The following PHF3 variants were observed in gnomAD, a reference collection of about 807,000 sequenced individuals.
The protein encoded by PHF3 is PHD finger protein 3.
PHF3 carries 41 observed loss-of-function variants against 178.4 expected under a neutral mutation model. The ratio of observed to expected loss-of-function variants is 0.23; its 90% CI spans 0.18 to 0.30. The LOEUF (loss-of-function observed/expected upper bound fraction) is 0.30, where lower values mean the gene tolerates loss of function less well. Ranked by LOEUF, PHF3 falls within the 10% of genes least tolerant of loss-of-function variation. The pLI is 1.00. For synonymous variants in PHF3, 842 were observed against 800.5 expected, an observed-to-expected ratio of 1.05 and a Z score of -0.88; for missense variants, 2,346 against 2,398.1, an observed-to-expected ratio of 0.98 and a Z score of 0.45.
intron 14 of PHF3, among the ~76,000 whole-genome samples, chr6:63,710,819 C>T (rs1767893431): frequency 6.6e-6 from 1 of 152,050 alleles, no homozygotes; most frequent in South Asian, 2.1e-4. Context: ...CATTGGAAAT[C>T]AGGATATAGT....
chr6:63,658,784 T>G (rs1561946126), intron 2 of PHF3, among the ~76,000 whole-genome samples: 1 of 149,966 alleles, frequency 6.7e-6, no homozygotes, highest in Non-Finnish European at 1.5e-5. Context: ...AGGGAGAGAT[T>G]GATTGATTGA....
intron 14 of PHF3, among the ~76,000 whole-genome samples, chr6:63,710,211 A>T (rs1434253622): frequency 6.6e-6 from 1 of 152,242 alleles, no homozygotes; most frequent in African/African-American, 2.4e-5. Context: ...TAAAGCACTA[A>T]TAAAAATGAG....
intron 2 of PHF3, among the ~76,000 whole-genome samples, chr6:63,661,790 A>G (rs1425505694): frequency 1.3e-5 from 2 of 152,292 alleles, no homozygotes; most frequent in Middle Eastern, 3.4e-3. Context: ...TTTGCCCTAT[A>G]CATAAGTTTT....
intron 2 of PHF3, among the ~76,000 whole-genome samples, chr6:63,663,487 C>T (rs1196661135): frequency 2.0e-5 from 3 of 152,168 alleles, no homozygotes; most frequent in Non-Finnish European, 4.4e-5. Context: ...CTTAGCCTCC[C>T]TGGCTGTCCA....
chr6:63,685,057 C>T lies in PHF3; in HGVS notation c.1335C>T (p.Asp445=), dbSNP rs200317912. Residue 445 remains aspartate, a synonymous_variant, in exon 4 of 16, where the codon GAC becomes GAT. Transcript: ENST00000262043. ...ILENAICDVP[D]QNSKQLNAIE... The stretch of plus-strand genomic sequence containing the variant: ...AAAATGCTATTTGTGATGTGCCTGA[C>T]CAAAATTCAAAACAGTTGAATGCTA... The T allele has an allele frequency of 1.2e-4, 195 of 1,613,906 alleles. 1 individual carries two copies. The highest frequency in any genetic ancestry group is 1.5e-4 in the Non-Finnish European group (182 of 1,179,944).
In PHF3 at chr6:63,685,338, A is replaced by G; in HGVS notation, c.1616A>G (p.Gln539Arg). Residue 539 changes from glutamine (Q) to arginine (R), a missense_variant, in exon 4 of 16, where the codon CAA becomes CGA. By Grantham distance (43) the Gln-to-Arg change is conservative. Around this residue, in one of 8 missense-constraint regions of PHF3, gnomAD observed 843 missense variants for 795.2 expected, o/e 1.06. Transcript: ENST00000262043. ...KRNTDVPESQ[Q>R]NFHRPVKVRK... Reference sequence around the variant, plus strand: ...AATACTGATGTACCAGAATCTCAGCAAAATTTTCATAGGCCAGTCAAAGTC... The same window carrying G: ...AATACTGATGTACCAGAATCTCAGCGAAATTTTCATAGGCCAGTCAAAGTC... The G allele has an allele frequency of 6.2e-7, 1 of 1,614,152 alleles. No individual in the cohort carries two copies. The highest frequency in any genetic ancestry group is 1.1e-5 in the South Asian group (1 of 91,078).
intron 2 of PHF3, among the ~76,000 whole-genome samples, chr6:63,674,615 C>T (rs1487981933): frequency 1.3e-5 from 2 of 151,868 alleles, no homozygotes; most frequent in South Asian, 2.1e-4. Flanking sequence ...TGGTGATCTC[C>T]TGCGATGTTA....
At chr6:63,669,469 T>C (rs1406185186) in intron 2 of PHF3, among the ~76,000 whole-genome samples, 2 of 152,232 alleles carry the variant, frequency 1.3e-5, no homozygotes, top group Non-Finnish European at 2.9e-5. Flanking sequence ...TAGGACCTTC[T>C]AGTTTATCTT....
At chr6:63,709,288 A>C in intron 14 of PHF3, 48 bp downstream of exon 14, 1 of 1,226,878 alleles carries the variant, frequency 8.2e-7, no homozygotes, top group Non-Finnish European at 1.2e-6. Flanking sequence ...ATGTTTAGAA[A>C]GTAAACAGTT....
intron 1 of PHF3, among the ~76,000 whole-genome samples, chr6:63,644,764 A>AT (rs1272598455): frequency 6.6e-6 from 1 of 152,166 alleles, no homozygotes; most frequent in Non-Finnish European, 1.5e-5. Context: ...AAATGAACAG[A>AT]TTCGTGAAAC....
At chr6:63,698,124 A>G (rs1315458133) in intron 6 of PHF3, 99 bp from the exon 7 acceptor site, 13 of 919,246 alleles carry the variant, frequency 1.4e-5, no homozygotes, top group Non-Finnish European at 2.1e-5. Context: ...TTATTTCTAA[A>G]TAGTGACTTT....
chr6:63,721,620 A>C lies in PHF3; in HGVS notation c.*7912A>C. The C allele has an allele frequency of 6.4e-7, 1 of 1,551,296 alleles. No individual in the cohort carries two copies. ...CATTTTAGTGGAGGCCTTTTCTGTT[A>C]CATTTATCCCATCTAGATCCAGGTA... On this transcript the variant is annotated 3_prime_UTR_variant, in exon 16 of 16. Transcript: ENST00000262043.
chr6:63,697,218 T>G (rs1217280291), intron 6 of PHF3, among the ~76,000 whole-genome samples: 1 of 152,092 alleles, frequency 6.6e-6, no homozygotes, highest in Non-Finnish European at 1.5e-5. Context: ...GAAGGTTGTA[T>G]GTGGTAGGGG....
chr6:63,698,560 C>A lies in PHF3; in HGVS notation c.2937C>A (p.Asn979Lys), dbSNP rs774726047. ...FFRDTDAKYK[N>K]KYRSLMFNLK... ...GGGACACAGATGCTAAATATAAGAA[C>A]AAATATAGAAGTTTGATGTTTAATT... The change falls in exon 8 of 16, where the codon AAC (asparagine) becomes AAA (lysine). Residue 979 changes from asparagine to lysine, a missense_variant. Coordinates refer to ENST00000262043, the MANE Select transcript of PHF3 (RefSeq NM_001370348.2). The A allele has an allele frequency of 4.4e-6, 7 of 1,588,388 alleles. No individual in the cohort carries two copies. The highest frequency in any genetic ancestry group is 2.2e-5 in the East Asian group (1 of 44,608).
chr6:63,669,677 A>G (rs1765825122), intron 2 of PHF3, among the ~76,000 whole-genome samples: 1 of 152,186 alleles, frequency 6.6e-6, no homozygotes, highest in African/African-American at 2.4e-5. Context: ...TTTCTTGAGG[A>G]AGGCTCTAGA....
intron 4 of PHF3, among the ~76,000 whole-genome samples, chr6:63,689,835 T>C (rs1159092569): frequency 2.0e-5 from 3 of 152,178 alleles, no homozygotes; most frequent in African/African-American, 7.2e-5. Context: ...TTATTTGTAC[T>C]GTAGGTTTTT....
At position 63,691,225 on chromosome 6, in the gene PHF3, C is replaced by T. The variant is rs193235049; in HGVS notation, c.2190-512C>T. Among the ~76,000 whole-genome samples, 244 of 152,066 alleles carry T rather than the reference C, an allele frequency of 1.6e-3. 1 individual carries two copies. Among genetic ancestry groups the T allele is most frequent in the African/African-American group, 5.6e-3 (232 of 41,490 alleles). On this transcript the variant is annotated intron_variant, in intron 4 of 15. Transcript: ENST00000262043. Reference sequence around the variant, plus strand: ...GCTCCATCATGCTAGTTTTTGAGTTCCATTTTTGTTACTATTGTTGGTTTT... The same window carrying T: ...GCTCCATCATGCTAGTTTTTGAGTTTCATTTTTGTTACTATTGTTGGTTTT...
chr6:63,710,710 G>T (rs1371066574), intron 14 of PHF3, among the ~76,000 whole-genome samples: 1 of 152,102 alleles, frequency 6.6e-6, no homozygotes, highest in African/African-American at 2.4e-5. Context: ...TAGTAGATTT[G>T]TCTGTTTGTG....
chr6:63,666,253 C>G lies in PHF3; in HGVS notation c.245-13747C>G, dbSNP rs138527133. Among the ~76,000 whole-genome samples, 62 of 152,090 alleles carry G rather than the reference C, an allele frequency of 4.1e-4. 1 individual carries two copies. Among genetic ancestry groups the G allele is most frequent in the African/African-American group, 1.4e-3 (60 of 41,476 alleles). ...TCCATTAAAGAGCTTTGCTGAATACCTGACAAACTTTGACTTTTAGTCTTC... is the reference window on the plus strand; with the variant it reads ...TCCATTAAAGAGCTTTGCTGAATACGTGACAAACTTTGACTTTTAGTCTTC... On this transcript the variant is annotated intron_variant, in intron 2 of 15. Coordinates refer to ENST00000262043, the MANE Select transcript of PHF3 (RefSeq NM_001370348.2).
Sources: gnomAD v4.1 joint callset for allele counts (sites outside exome capture counted in the v4.1 genomes callset) on GRCh38, gnomAD v4.1.1 for gene constraint, gnomAD v4.1.1 regional missense constraint, MANE v1.5 for transcripts, NCBI Gene and HGNC (gene_info 2026-07-23, HGNC 2026-07-21) for gene names.